Variants in SMOC2 observed in about 807,000 individuals in gnomAD.
The protein encoded by SMOC2 is SPARC-related modular calcium-binding protein 2.
Under a neutral mutation model 61.4 loss-of-function variants are expected in SMOC2, and 39 were observed. The observed-to-expected ratio is 0.64, with a 90% CI of 0.49 to 0.83. The LOEUF is 0.83. Among genes scored for constraint, SMOC2 ranks in the 40% least tolerant of loss-of-function variants. The pLI is 0.00. For missense variants in SMOC2, 556 were observed against 592.9 expected (o/e 0.94, Z 0.65); for synonymous variants, 247 against 239.9 (o/e 1.03, Z -0.27).
At chr6:168,586,091 A>C (rs1453675009) in intron 7 of SMOC2, among the ~76,000 whole-genome samples, 2 of 152,074 alleles carry the variant, frequency 1.3e-5, no homozygotes, top group Admixed American at 1.3e-4. Context: ...AATAGTCTCC[A>C]TATTTTCTTT....
At chr6:168,558,226 TC>T (rs1234449747) in intron 7 of SMOC2, among the ~76,000 whole-genome samples, 4 of 152,140 alleles carry the variant, frequency 2.6e-5, no homozygotes, top group African/African-American at 9.7e-5. Context: ...GCCGCAACCT[TC>T]TCATTGTCTT....
At chr6:168,517,928 G>A (rs528922552) in intron 2 of SMOC2, among the ~76,000 whole-genome samples, 3 of 152,244 alleles carry the variant, frequency 2.0e-5, no homozygotes, top group Non-Finnish European at 2.9e-5. Flanking sequence ...GCCGGAGCGC[G>A]AGCCTGGGCC....
intron 9 of SMOC2, 24 bp from the exon 10 acceptor site, chr6:168,650,657 T>C: frequency 6.2e-7 from 1 of 1,605,118 alleles, no homozygotes; most frequent in East Asian, 2.2e-5. Flanking sequence ...GAGTTAATTA[T>C]GAAAACATAC....
intron 7 of SMOC2, among the ~76,000 whole-genome samples, chr6:168,550,770 A>C (rs2115108805): frequency 6.6e-6 from 1 of 152,352 alleles, no homozygotes; most frequent in South Asian, 2.1e-4. Flanking sequence ...TGCTTGTTAT[A>C]GATGAGTTTT....
intron 3 of SMOC2, 105 bp from the exon 4 acceptor site, chr6:168,527,523 G>A (rs1783482704): frequency 6.4e-6 from 5 of 778,866 alleles, no homozygotes; most frequent in South Asian, 3.1e-5. Context: ...GGGTATCCCA[G>A]GACCCTGTCT....
intron 9 of SMOC2, 105 bp downstream of exon 9, chr6:168,608,344 C>T (rs1317039497): frequency 3.9e-6 from 5 of 1,291,210 alleles, no homozygotes; most frequent in East Asian, 2.5e-5. Context: ...TCCCAGGGGG[C>T]CTGTCTGACT....
At chr6:168,466,470 G>C (rs1187363470) in intron 1 of SMOC2, among the ~76,000 whole-genome samples, 1 of 152,192 alleles carries the variant, frequency 6.6e-6, no homozygotes, top group East Asian at 1.9e-4. Flanking sequence ...TTGGTGGTGG[G>C]GGAAGGGTTG....
intron 9 of SMOC2, among the ~76,000 whole-genome samples, chr6:168,614,247 C>T (rs1188033694): frequency 1.5e-5 from 1 of 65,370 alleles, no homozygotes. Context: ...CTCTTCACAC[C>T]TACAGCCAGC....
intron 8 of SMOC2, among the ~76,000 whole-genome samples, chr6:168,604,459 C>T (rs1037987446): frequency 3.9e-5 from 6 of 152,198 alleles, no homozygotes; most frequent in Admixed American, 6.5e-5. Context: ...CACCATTCCT[C>T]ATCTCCCAGT....
rs748530951 is a variant in SMOC2, at chr6:168,483,296, TGA to T, written c.85-26618_85-26617del. ...AATCAATTGCACTTCTGTACACTAA[TGA>T]TGGACACTCTGAAAAGGAAATCATA... On this transcript the variant is annotated intron_variant, in intron 1 of 12. Coordinates refer to ENST00000356284, the MANE Select transcript of SMOC2 (RefSeq NM_001166412.2). 4.6e-5 allele frequency among the ~76,000 whole-genome samples: 7 copies of T among 152,152 alleles called. No individual in the cohort carries two copies. In the South Asian group the frequency reaches 1.5e-3, roughly 32 times the overall value.
intron 1 of SMOC2, among the ~76,000 whole-genome samples, chr6:168,489,725 A>C (rs1285183727): frequency 1.3e-5 from 2 of 150,822 alleles, no homozygotes; most frequent in African/African-American, 5.0e-5. Flanking sequence ...CTTGGATCAC[A>C]CTGTTTTAGA....
In SMOC2 at chr6:168,636,849, T is replaced by TCCCTCCTCCCGCCTCCCTCCTCCC. The variant is rs1562396868; in HGVS notation, c.908-13832_908-13831insCCCTCCTCCCGCCTCCCTCCTCCC. ...GGCCATCAGTGGGGAATATGCCTCC[T>TCCCTCCTCCCGCCTCCCTCCTCCC]GCCTCCCTCCTCCCGCCTCCCTCCT... On this transcript the variant is annotated intron_variant, in intron 9 of 12. Transcript: ENST00000356284. Among the ~76,000 whole-genome samples the TCCCTCCTCCCGCCTCCCTCCTCCC allele has an allele frequency of 2.2e-4, 28 of 125,356 alleles. 1 individual carries two copies. The highest frequency in any genetic ancestry group is 8.1e-4 in the East Asian group (3 of 3,694). 82.2% of individuals were successfully genotyped at this position (125,356 alleles called of 152,430 possible). A position where few individuals can be genotyped will look rare whatever the true frequency, so the allele number is the denominator to read the frequency against.
rs375743211 is a variant in SMOC2, at chr6:168,549,158, A to G, written c.592A>G (p.Thr198Ala). Reference sequence around the variant, plus strand: ...TGCATCACGTTACCCTACCCTTTGGACTGAACAGGTTAAAAGTCGGCAGAA... The same window carrying G: ...TGCATCACGTTACCCTACCCTTTGGGCTGAACAGGTTAAAAGTCGGCAGAA... ...DIASRYPTLW[T>A]EQVKSRQNKT... Residue 198 changes from threonine (T) to alanine (A), a missense_variant, in exon 7 of 13, where the codon ACT (threonine) becomes GCT (alanine). Transcript: ENST00000356284. 2.5e-6 allele frequency: 4 copies of G among 1,614,082 alleles called. No homozygotes were observed. Among genetic ancestry groups the G allele is most frequent in the Non-Finnish European group, 3.4e-6 (4 of 1,180,032 alleles).
intron 10 of SMOC2, among the ~76,000 whole-genome samples, chr6:168,651,623 T>C (rs142351191): frequency 7.3e-4 from 111 of 152,306 alleles, no homozygotes; most frequent in African/African-American, 2.6e-3. Context: ...TCAGCCACTT[T>C]AGGTGATTTT....
At chr6:168,652,561 A>G (rs958407249) in intron 10 of SMOC2, among the ~76,000 whole-genome samples, 5 of 152,218 alleles carry the variant, frequency 3.3e-5, no homozygotes, top group South Asian at 2.1e-4. Flanking sequence ...TGATATTCCT[A>G]TGACATGAAG....
intron 8 of SMOC2, among the ~76,000 whole-genome samples, chr6:168,605,954 C>A (rs1028687922): frequency 6.6e-6 from 1 of 152,176 alleles, no homozygotes; most frequent in African/African-American, 2.4e-5. Flanking sequence ...GCAGCTCCCC[C>A]TTCATAAGCC....
At chr6:168,478,409 ATG>A (rs1401411228) in intron 1 of SMOC2, among the ~76,000 whole-genome samples, 4 of 152,216 alleles carry the variant, frequency 2.6e-5, no homozygotes, top group Non-Finnish European at 5.9e-5. Flanking sequence ...TGTGTGGAGA[ATG>A]TGCACCTGTA....
chr6:168,447,964 G>T (rs970305733), intron 1 of SMOC2, among the ~76,000 whole-genome samples: 2 of 152,164 alleles, frequency 1.3e-5, no homozygotes, highest in East Asian at 1.9e-4. Context: ...TACCAGCTGG[G>T]TGTCACCATG....
intron 8 of SMOC2, among the ~76,000 whole-genome samples, chr6:168,599,581 A>ACACACACC (rs138811685): frequency 3.2e-5 from 1 of 31,626 alleles, no homozygotes; most frequent in Non-Finnish European, 4.9e-5. Flanking sequence ...CACTCATACC[A>ACACACACC]CACACACCCA....
Sources: allele counts gnomAD v4.1 joint callset (sites outside exome capture counted in the v4.1 genomes callset), GRCh38; gene constraint gnomAD v4.1.1; transcripts MANE v1.5; gene names NCBI Gene and HGNC (gene_info 2026-07-23, HGNC 2026-07-21).